The following TSGA10 variants were observed in gnomAD, a reference collection of about 807,000 sequenced individuals.
TSGA10 encodes testis-specific gene 10 protein.
A neutral mutation model predicts 96.6 loss-of-function variants in TSGA10; 43 were observed. The observed-to-expected ratio is 0.44, with a 90% CI of 0.35 to 0.57. The LOEUF (loss-of-function observed/expected upper bound fraction) is 0.57. TSGA10 is among the 20% of genes least tolerant of loss of function. The pLI is 0.01. For synonymous variants in TSGA10, 229 were observed against 269.9 expected (o/e 0.85, Z 1.48); for missense variants, 703 against 834.4 (o/e 0.84, Z 1.94).
intron 10 of TSGA10, among the ~76,000 whole-genome samples, chr2:99,090,612 C>T (rs191397473): frequency 1.5e-4 from 23 of 152,062 alleles, no homozygotes; most frequent in Middle Eastern, 3.4e-3. Flanking sequence ...CAAGGGCACA[C>T]AGAAATGCAA....
intron 2 of TSGA10, chr2:99,125,970 TAGG>T (rs1200410495): frequency 3.3e-5 from 5 of 152,292 alleles, no homozygotes; most frequent in Non-Finnish European, 7.3e-5. Context: ...TACTATAAAG[TAGG>T]AGTAGATGGC....
At chr2:99,131,891 T>A (rs976865984) in intron 1 of TSGA10, among the ~76,000 whole-genome samples, 11 of 152,178 alleles carry the variant, frequency 7.2e-5, no homozygotes, top group African/African-American at 2.7e-4. Context: ...GTGGTTTTTG[T>A]CATTGGTTCT....
rs757262392 is a variant in TSGA10 at position 99,081,348 on chromosome 2, G to C, written c.661C>G (p.Leu221Val). The change falls in exon 11 of 21, where the codon CTT becomes GTT. Residue 221 changes from leucine to valine, a missense_variant. Leu to Val is a conservative substitution (Grantham distance 32). Coordinates refer to ENST00000393483, the MANE Select transcript of TSGA10 (RefSeq NM_025244.4). ...EKDLSDTQRHLAKKKYELQLT... is the reference protein window; with the variant it reads ...EKDLSDTQRHVAKKKYELQLT... ...TGTAGCTCATATTTTTTCTTAGCAA[G>C]GTGTCGCTGAGTATCAGAAAGATCT... 1 of 1,595,160 alleles carries C rather than the reference G, an allele frequency of 6.3e-7. No homozygotes were observed. The highest frequency in any genetic ancestry group is 2.2e-5 in the East Asian group (1 of 44,448).
At chr2:99,090,962 C>A (rs1321931367) in intron 10 of TSGA10, among the ~76,000 whole-genome samples, 1 of 152,128 alleles carries the variant, frequency 6.6e-6, no homozygotes, top group Non-Finnish European at 1.5e-5. Context: ...ATCACCTAGG[C>A]ACATAGTCAT....
intron 1 of TSGA10, among the ~76,000 whole-genome samples, chr2:99,144,112 G>A (rs377078591): frequency 2.6e-4 from 40 of 152,062 alleles, no homozygotes; most frequent in African/African-American, 9.2e-4. Context: ...GCTCTGCCTC[G>A]CGGCTTCACG....
intron 17 of TSGA10, among the ~76,000 whole-genome samples, chr2:99,028,260 C>T (rs1292500119): frequency 6.6e-6 from 1 of 152,230 alleles, no homozygotes; most frequent in Non-Finnish European, 1.5e-5. Context: ...TACCTTGCTT[C>T]ACAGTCTGAT....
intron 14 of TSGA10, among the ~76,000 whole-genome samples, chr2:99,070,416 G>C (rs1394445875): frequency 6.6e-6 from 1 of 151,996 alleles, no homozygotes; most frequent in Non-Finnish European, 1.5e-5. Flanking sequence ...GATCTAAAGT[G>C]ATAGGTGATT....
chr2:99,087,989 T>TA (rs2088769592), intron 10 of TSGA10, among the ~76,000 whole-genome samples: 2 of 152,194 alleles, frequency 1.3e-5, no homozygotes, highest in Non-Finnish European at 2.9e-5. Context: ...TGGCTAAAAT[T>TA]AGAGACTGAA....
At chr2:99,094,557 A>G (rs1342559168) in intron 10 of TSGA10, among the ~76,000 whole-genome samples, 1 of 152,228 alleles carries the variant, frequency 6.6e-6, no homozygotes, top group African/African-American at 2.4e-5. Flanking sequence ...TTAGCAATAA[A>G]AAAACAAACA....
chr2:99,006,981 T>C (rs931344257), intron 20 of TSGA10, among the ~76,000 whole-genome samples: 6 of 152,232 alleles, frequency 3.9e-5, no homozygotes, highest in Non-Finnish European at 4.4e-5. Flanking sequence ...AATGAGCTTA[T>C]GTCCTTTGTA....
chr2:99,007,195 G>T (rs2078571348), intron 20 of TSGA10, among the ~76,000 whole-genome samples: 1 of 152,122 alleles, frequency 6.6e-6, no homozygotes, highest in Non-Finnish European at 1.5e-5. Flanking sequence ...TAATGTAAAT[G>T]ACGAGTTAAT....
intron 14 of TSGA10, 22 bp downstream of exon 14, chr2:99,071,684 A>G: frequency 6.3e-7 from 1 of 1,585,468 alleles, no homozygotes; most frequent in East Asian, 2.3e-5. Context: ...CTTGGAGAAA[A>G]TGATTCTAGG....
At chr2:99,149,169 C>A (rs957363020) in intron 1 of TSGA10, among the ~76,000 whole-genome samples, 264 of 123,082 alleles carry the variant, frequency 2.1e-3, no homozygotes, top group South Asian at 2.6e-3. Context: ...AACTCCATCT[C>A]AAAAAAAAAA....
intron 7 of TSGA10, among the ~76,000 whole-genome samples, 154 bp downstream of exon 7, chr2:99,108,679 A>T (rs1357747974): frequency 6.6e-6 from 1 of 152,154 alleles, no homozygotes; most frequent in Non-Finnish European, 1.5e-5. Flanking sequence ...AATGTACTAC[A>T]TTTCATTAAG....
At chr2:99,000,592 A>G (rs1246290856) in intron 20 of TSGA10, among the ~76,000 whole-genome samples, 4 of 151,976 alleles carry the variant, frequency 2.6e-5, no homozygotes, top group Non-Finnish European at 5.9e-5. Context: ...CGTAAGCGAC[A>G]CAGAAGATGG....
intron 1 of TSGA10, chr2:99,140,974 C>G (rs2093518466): frequency 1.2e-6 from 1 of 823,110 alleles, no homozygotes; most frequent in African/African-American, 1.9e-5. Context: ...CAACTCCGCC[C>G]GCCACGGCCC....
intron 1 of TSGA10, among the ~76,000 whole-genome samples, chr2:99,127,491 T>C (rs934124136): frequency 6.6e-6 from 1 of 152,142 alleles, no homozygotes; most frequent in Non-Finnish European, 1.5e-5. Flanking sequence ...CCAAAATAGC[T>C]ATTAGTGAGT....
intron 1 of TSGA10, chr2:99,141,169 G>A (rs774174753): frequency 8.8e-6 from 11 of 1,257,052 alleles, no homozygotes; most frequent in African/African-American, 4.7e-5. Context: ...CGGCCTCAGC[G>A]GGGGATACAA....
At chr2:99,081,480 G>T in intron 10 of TSGA10, 83 bp from the exon 11 acceptor site, 1 of 546,090 alleles carries the variant, frequency 1.8e-6, no homozygotes, top group Non-Finnish European at 3.1e-6. Context: ...AAACTTTTAA[G>T]GACACTAATA....
Sources: allele counts gnomAD v4.1 joint callset (sites outside exome capture counted in the v4.1 genomes callset), GRCh38; gene constraint gnomAD v4.1.1; transcripts MANE v1.5; gene names NCBI Gene and HGNC (gene_info 2026-07-23, HGNC 2026-07-21).